Variants in CEP83 observed in about 807,000 individuals in gnomAD.
CEP83 encodes centrosomal protein 83, also known as centrosomal protein of 83 kDa.
Under a neutral mutation model 101.9 loss-of-function variants are expected in CEP83, and 70 were observed. The observed-to-expected ratio is 0.69, with a 90% CI of 0.57 to 0.84. CEP83 has a LOEUF of 0.84. CEP83 is among the 40% of genes least tolerant of loss of function. The probability of loss-of-function intolerance (pLI) is 0.00; values close to 1 mark genes in which losing one functional copy is unlikely to be tolerated. For synonymous variants in CEP83, 264 were observed against 267.9 expected (o/e 0.99, Z 0.14); for missense variants, 715 against 787.2 (o/e 0.91, Z 1.10).
At chr12:94,404,279 T>C (rs2063416510) in intron 4 of CEP83, among the ~76,000 whole-genome samples, 1 of 151,898 alleles carries the variant, frequency 6.6e-6, no homozygotes, top group Non-Finnish European at 1.5e-5. Context: ...ACCAGACAGG[T>C]AAAAAAGAGA....
the CEP83 span, among the ~76,000 whole-genome samples, chr12:94,268,588 C>CTTTTTTTTTTTTTTTTTT: frequency 1.1e-3 from 104 of 90,868 alleles, 12 homozygotes; most frequent in African/African-American, 2.3e-3. Flanking sequence ...AGAATAAGAC[C>CTTTTTTTTTTTTTTTTTT]TTTTTTTTTT....
At chr12:94,375,602 A>G (rs372450355) in intron 8 of CEP83, among the ~76,000 whole-genome samples, 1 of 152,328 alleles carries the variant, frequency 6.6e-6, no homozygotes, top group African/African-American at 2.4e-5. Context: ...ATAAGAATTG[A>G]TCAGATTCTG....
Position 94,403,146 on chromosome 12 carries a change from T to C in CEP83, c.417+24A>G, listed in dbSNP as rs202237481. ...CTTTGATCCCATGAGGATAAATGCA[T>C]AGTAAACAACATAAGTTACTTACTT... On this transcript the variant is annotated intron_variant, in intron 5 of 16. Transcript: ENST00000397809. The C allele has an allele frequency of 1.2e-5, 14 of 1,151,480 alleles. No individual in the cohort carries two copies. In the East Asian group the frequency reaches 2.1e-4, roughly 17 times the overall value. 71.3% of individuals were successfully genotyped at this position (1,151,480 alleles called of 1,614,324 possible). A position where few individuals can be genotyped will look rare whatever the true frequency, so the allele number is the denominator to read the frequency against.
At chr12:94,381,444 T>C (rs1427486542) in intron 6 of CEP83, among the ~76,000 whole-genome samples, 1 of 152,198 alleles carries the variant, frequency 6.6e-6, no homozygotes, top group Non-Finnish European at 1.5e-5. Flanking sequence ...TAACTAATAT[T>C]ACTTTTTAAA....
chr12:94,403,361 G>A (rs538055620), intron 4 of CEP83, 99 bp from the exon 5 acceptor site: 152 of 587,522 alleles, frequency 2.6e-4, no homozygotes, highest in South Asian at 4.7e-4. Context: ...TGGAATTCAT[G>A]AAAGTTTTTG....
the CEP83 span, chr12:94,279,491 A>G: frequency 6.2e-7 from 1 of 1,613,266 alleles, no homozygotes; most frequent in East Asian, 2.2e-5. Flanking sequence ...GTCGTCTTTG[A>G]AAAAATCCCG....
At chr12:94,434,205 A>G (rs2065839449) in intron 2 of CEP83, among the ~76,000 whole-genome samples, 1 of 152,254 alleles carries the variant, frequency 6.6e-6, no homozygotes, top group African/African-American at 2.4e-5. Context: ...GTGCAAAAAT[A>G]TGAGAACTCA....
chr12:94,356,050 T>C lies in CEP83; in HGVS notation c.1343+11744A>G, dbSNP rs985029462. Among the ~76,000 whole-genome samples the C allele has an allele frequency of 2.0e-5, 3 of 151,846 alleles. No individual in the cohort carries two copies. In the South Asian group the frequency reaches 6.2e-4, roughly 32 times the overall value. The stretch of plus-strand genomic sequence containing the variant: ...CCTCTAGTGCCGCTGGGTTAGGGTC[T>C]CCCCTACCAAGCCTGTCTCGGCAAG... On this transcript the variant is annotated intron_variant, in intron 11 of 16. Coordinates refer to ENST00000397809, the MANE Select transcript of CEP83 (RefSeq NM_016122.3).
chr12:94,357,395 G>A (rs928790872), intron 11 of CEP83, among the ~76,000 whole-genome samples: 3 of 152,018 alleles, frequency 2.0e-5, no homozygotes, highest in African/African-American at 7.2e-5. Context: ...ACCAGATAGG[G>A]GAAAAAAGAA....
intron 14 of CEP83, among the ~76,000 whole-genome samples, chr12:94,331,244 T>C (rs1377817768): frequency 4.1e-5 from 5 of 122,236 alleles, no homozygotes; most frequent in Non-Finnish European, 7.8e-5. Flanking sequence ...TGAGCCAAGA[T>C]TGCACCACTG....
intron 2 of CEP83, among the ~76,000 whole-genome samples, chr12:94,430,902 T>C (rs1276410581): frequency 6.6e-6 from 1 of 151,858 alleles, no homozygotes; most frequent in Admixed American, 6.6e-5. Flanking sequence ...AGACTGAAAG[T>C]AAAGGGATGG....
chr12:94,420,850 G>A (rs1329998022), intron 2 of CEP83, among the ~76,000 whole-genome samples: 2 of 152,018 alleles, frequency 1.3e-5, no homozygotes, highest in Non-Finnish European at 2.9e-5. Context: ...ATAGTATATA[G>A]GGGATACATG....
intron 1 of CEP83, among the ~76,000 whole-genome samples, chr12:94,456,758 G>A (rs2067709804): frequency 6.6e-6 from 1 of 152,046 alleles, no homozygotes; most frequent in Non-Finnish European, 1.5e-5. Flanking sequence ...GGGATTATGG[G>A]GATTATAATT....
intron 6 of CEP83, among the ~76,000 whole-genome samples, chr12:94,393,391 T>C (rs1948529684): frequency 6.6e-6 from 1 of 152,300 alleles, no homozygotes. Flanking sequence ...ATTATCTCAA[T>C]AGATGCAGAA....
At chr12:94,389,739 C>G (rs919672651) in intron 6 of CEP83, among the ~76,000 whole-genome samples, 13 of 152,156 alleles carry the variant, frequency 8.5e-5, no homozygotes, top group African/African-American at 3.1e-4. Flanking sequence ...TAACAGACTA[C>G]CTGGAAAAAC....
Position 94,367,811 on chromosome 12 carries a change from C to G in CEP83, c.1326G>C (p.Lys442Asn). The G allele has an allele frequency of 6.2e-7, 1 of 1,611,254 alleles. No individual in the cohort carries two copies. The highest frequency in any genetic ancestry group is 8.5e-7 in the Non-Finnish European group (1 of 1,179,270). Residue 442 changes from lysine (K) to asparagine (N), a missense_variant, in exon 11 of 17, where the codon AAG (lysine) becomes AAC (asparagine). Coordinates refer to ENST00000397809, the MANE Select transcript of CEP83 (RefSeq NM_016122.3). ...ASQMAEEITR[K>N]ELQSVRLKLQ... ...TATATAACCTAACACTCTGAAGCTC[C>G]TTCCTGGTGATCTCTTCTGCCATCT...
chr12:94,303,418 C>T (rs768441136), downstream of CEP83, among the ~76,000 whole-genome samples: 1 of 152,152 alleles, frequency 6.6e-6, no homozygotes, highest in Non-Finnish European at 1.5e-5. Flanking sequence ...TTTTTACAAC[C>T]ATTAGTAATG....
At chr12:94,321,468 CTTCT>C (rs1371670022) in intron 14 of CEP83, among the ~76,000 whole-genome samples, 1 of 152,168 alleles carries the variant, frequency 6.6e-6, no homozygotes, top group African/African-American at 2.4e-5. Flanking sequence ...CCGTTGATTC[CTTCT>C]GTCTGATGGT....
At chr12:94,415,954 TA>T (rs1181247849) in intron 2 of CEP83, among the ~76,000 whole-genome samples, 2 of 151,928 alleles carry the variant, frequency 1.3e-5, no homozygotes, top group Non-Finnish European at 2.9e-5. Context: ...GCCAGGTATT[TA>T]AAAAAAATTT....
Sources: allele counts gnomAD v4.1 joint callset (sites outside exome capture counted in the v4.1 genomes callset), GRCh38; gene constraint gnomAD v4.1.1; transcripts MANE v1.5; gene names NCBI Gene and HGNC (gene_info 2026-07-23, HGNC 2026-07-21).